The following SLC2A2 variants were observed in gnomAD, a reference collection of about 807,000 sequenced individuals.
The protein encoded by SLC2A2 is solute carrier family 2 member 2, also known as solute carrier family 2, facilitated glucose transporter member 2.
SLC2A2 carries 36 observed loss-of-function variants against 54.5 expected under a neutral mutation model. That is an observed-to-expected ratio of 0.66 (90% CI 0.51 to 0.87). The LOEUF (loss-of-function observed/expected upper bound fraction) is 0.87. SLC2A2 is among the 40% of genes least tolerant of loss of function. The probability of loss-of-function intolerance (pLI) is 0.00; values close to 1 mark genes in which losing one functional copy is unlikely to be tolerated. For missense variants in SLC2A2, 543 were observed against 624.3 expected (o/e 0.87, Z 1.39); for synonymous variants, 223 against 219.1 (o/e 1.02, Z -0.16).
In SLC2A2 at chr3:170,998,123, A is replaced by C. The variant is rs1715177273; in HGVS notation, c.1375-20T>G. 2 of 1,613,440 alleles carry C rather than the reference A, an allele frequency of 1.2e-6. No individual in the cohort carries two copies. The highest frequency in any genetic ancestry group is 3.3e-5 in the Admixed American group (2 of 59,844). ...GAAGTCCTGGATAGAAAGCAAACAC[A>C]GACTTTGAGTTAGCAGTTTTTTGAC... On this transcript the variant is annotated intron_variant, in intron 10 of 10. Coordinates refer to ENST00000314251, the MANE Select transcript of SLC2A2 (RefSeq NM_000340.2).
At chr3:171,006,742 A>C (rs1380487273) in intron 5 of SLC2A2, among the ~76,000 whole-genome samples, 2 of 152,018 alleles carry the variant, frequency 1.3e-5, no homozygotes, top group East Asian at 3.9e-4. Flanking sequence ...TACATATTAG[A>C]TTCCCAAGTA....
chr3:170,998,916 A>T lies in SLC2A2; in HGVS notation c.1170+149T>A, dbSNP rs878977141. The T allele has an allele frequency of 2.3e-4, 165 of 706,186 alleles. 2 individuals carry two copies. The South Asian group carries it at 2.6e-3, about 11-fold the overall frequency. 43.7% of individuals were successfully genotyped at this position (706,186 alleles called of 1,614,324 possible). ...AAACTAGTTCATCTTTTCTTTATAT[A>T]TCTCCTTTGATTTTATGCTGTTGCT... On this transcript the variant is annotated intron_variant, in intron 9 of 10. Coordinates refer to ENST00000314251, the MANE Select transcript of SLC2A2 (RefSeq NM_000340.2).
In SLC2A2 at chr3:170,998,339, A is replaced by G. The variant is rs746136121; in HGVS notation, c.1228T>C (p.Phe410Leu). 3.7e-6 allele frequency: 6 copies of G among 1,613,778 alleles called. No homozygotes were observed. In the South Asian group the frequency reaches 5.5e-5, roughly 15 times the overall value. The change falls in exon 10 of 11, where the codon TTC becomes CTC. Residue 410 changes from phenylalanine to leucine, a missense_variant. Physicochemically the swap from Phe to Leu is conservative, Grantham distance 22 (BLOSUM62 0). This residue lies in a region of SLC2A2 where 117 missense variants were observed against 179.2 expected (regional missense o/e 0.65). Transcript: ENST00000314251. ...SMIAIFLFVS[F>L]FEIGPGPIPW... ...ATCGGGCCTGGCCCAATTTCAAAGA[A>G]GCTGACAAAGAGGAAGATGGCTATC... is the stretch of plus-strand genomic sequence containing the variant.
intron 2 of SLC2A2, among the ~76,000 whole-genome samples, chr3:171,015,046 C>G (rs143109786): frequency 6.6e-6 from 1 of 152,222 alleles, no homozygotes; most frequent in Non-Finnish European, 1.5e-5. Context: ...ACTAGAGGAG[C>G]AAGAGGAAGC....
At position 170,997,940 on chromosome 3, in the gene SLC2A2, A is replaced by G; in HGVS notation, c.1538T>C (p.Val513Ala). The G allele has an allele frequency of 1.2e-6, 2 of 1,613,510 alleles. No homozygotes were observed. The highest frequency in any genetic ancestry group is 1.7e-6 in the Non-Finnish European group (2 of 1,179,730). ...SGSAHRPKAA[V>A]EMKFLGATET... ...TGTAGCTCCTAGGAATTTCATTTCT[A>G]CAGCAGCTTTTGGCCTGTGGGCTGA... Residue 513 changes from valine to alanine, a missense_variant, in exon 11 of 11, where the codon GTA (valine) becomes GCA (alanine). Around this residue, in one of 3 missense-constraint regions of SLC2A2, gnomAD observed 108 missense variants for 101.3 expected, o/e 1.07. Coordinates refer to ENST00000314251, the MANE Select transcript of SLC2A2 (RefSeq NM_000340.2).
At chr3:171,000,802 T>G (rs988593005) in intron 8 of SLC2A2, among the ~76,000 whole-genome samples, 2 of 152,124 alleles carry the variant, frequency 1.3e-5, no homozygotes, top group African/African-American at 4.8e-5. Flanking sequence ...CAGTGCATAT[T>G]TCTATTTGCA....
At chr3:171,005,494 T>G (rs745426495) in intron 6 of SLC2A2, 22 bp from the exon 7 acceptor site, 3 of 1,597,104 alleles carry the variant, frequency 1.9e-6, no homozygotes, top group Non-Finnish European at 1.7e-6. Flanking sequence ...AATGATCAGG[T>G]TGAAACAACT....
At position 170,996,553 on chromosome 3, in the gene SLC2A2, C is replaced by T. The variant is rs1576820719; in HGVS notation, c.*1350G>A. The T allele has an allele frequency of 1.5e-5, 6 of 397,666 alleles. No homozygotes were observed. The highest frequency in any genetic ancestry group is 1.3e-4 in the Admixed American group (3 of 22,690). 24.6% of individuals were successfully genotyped at this position (397,666 alleles called of 1,614,324 possible). ...TGGTGGAGAAAACAGCCTAGAGATACGTTAGCACCCTGCTAAGCTTTTGGG... is the reference window on the plus strand; with the variant it reads ...TGGTGGAGAAAACAGCCTAGAGATATGTTAGCACCCTGCTAAGCTTTTGGG... On this transcript the variant is annotated 3_prime_UTR_variant, in exon 11 of 11. Coordinates refer to ENST00000314251, the MANE Select transcript of SLC2A2 (RefSeq NM_000340.2).
Position 171,018,607 on chromosome 3 carries a change from A to C in SLC2A2, c.32T>G (p.Val11Gly). Residue 11 changes from valine to glycine, a missense_variant, in exon 2 of 11, where the codon GTT becomes GGT. Physicochemically the swap from Val to Gly is moderately radical, Grantham distance 109 (BLOSUM62 -3). Around this residue, in one of 3 missense-constraint regions of SLC2A2, gnomAD observed 318 missense variants for 343.8 expected, o/e 0.93. Transcript: ENST00000314251. The part of the protein sequence containing the change: MTEDKVTGTL[V>G]FTVITAVLGS... Reference sequence around the variant, plus strand: ...CAGCACAGCAGTGATGACAGTGAAAACCAGGGTCCCAGTGACCTGCAGGGG... The same window carrying C: ...CAGCACAGCAGTGATGACAGTGAAACCCAGGGTCCCAGTGACCTGCAGGGG... 6.2e-7 allele frequency: 1 copy of C among 1,613,904 alleles called. No homozygotes were observed. Among genetic ancestry groups the C allele is most frequent in the Non-Finnish European group, 8.5e-7 (1 of 1,179,798 alleles).
At chr3:171,021,895 G>A (rs938155974) in intron 1 of SLC2A2, among the ~76,000 whole-genome samples, 3 of 152,168 alleles carry the variant, frequency 2.0e-5, no homozygotes, top group Non-Finnish European at 4.4e-5. Context: ...TCCTTCTCAT[G>A]TTACATCTCT....
chr3:171,018,511 C>A lies in SLC2A2; in HGVS notation c.108+20G>T. 3.9e-6 allele frequency: 6 copies of A among 1,543,404 alleles called. No individual in the cohort carries two copies. The highest frequency in any genetic ancestry group is 5.4e-6 in the Non-Finnish European group (6 of 1,115,550). ...CTGACAGAACTTGCCAAAAAGAGAACTTCTACATATTTCACTTGCCTGTTG... is the reference window on the plus strand; with the variant it reads ...CTGACAGAACTTGCCAAAAAGAGAAATTCTACATATTTCACTTGCCTGTTG... On this transcript the variant is annotated intron_variant, in intron 2 of 10. Coordinates refer to ENST00000314251, the MANE Select transcript of SLC2A2 (RefSeq NM_000340.2).
chr3:171,019,159 A>G (rs1022665503), intron 1 of SLC2A2, among the ~76,000 whole-genome samples: 20 of 107,892 alleles, frequency 1.9e-4, no homozygotes, highest in African/African-American at 2.8e-4. Flanking sequence ...ATATATACGT[A>G]TGTATATATA....
At chr3:171,017,450 C>T (rs903368578) in intron 2 of SLC2A2, among the ~76,000 whole-genome samples, 1 of 152,178 alleles carries the variant, frequency 6.6e-6, no homozygotes, top group South Asian at 2.1e-4. Flanking sequence ...ATGGTCAGCG[C>T]ATATTTCACA....
At chr3:171,009,748 G>A (rs537756709) in intron 4 of SLC2A2, among the ~76,000 whole-genome samples, 6 of 152,086 alleles carry the variant, frequency 3.9e-5, no homozygotes, top group Admixed American at 2.0e-4. Flanking sequence ...TGCCATGGAC[G>A]AGAACCTTGA....
chr3:171,016,642 TA>T, intron 2 of SLC2A2, among the ~76,000 whole-genome samples: 1 of 130,696 alleles, frequency 7.7e-6, no homozygotes, highest in South Asian at 2.3e-4. Flanking sequence ...TTCAGCTGAT[TA>T]AAAAAAGGCT....
chr3:171,011,561 A>G (rs1452547982), intron 3 of SLC2A2, among the ~76,000 whole-genome samples: 1 of 152,202 alleles, frequency 6.6e-6, no homozygotes, highest in Non-Finnish European at 1.5e-5. Context: ...CTCCAAAACT[A>G]TAAGAAAACA....
chr3:171,014,652 C>G lies in SLC2A2; in HGVS notation c.188G>C (p.Ser63Thr), dbSNP rs1373290524. The G allele has an allele frequency of 4.3e-6, 7 of 1,613,852 alleles. No homozygotes were observed. The highest frequency in any genetic ancestry group is 5.9e-6 in the Non-Finnish European group (7 of 1,179,886). ...RKAINNYVIN[S>T]TDELPTISYS... ...TGAGATTGTGGGCAGTTCATCTGTA[C>G]TGTTGATAACATAGTTGTTGATAGC... The change falls in exon 3 of 11, where the codon AGT becomes ACT. Residue 63 changes from serine (S) to threonine (T), a missense_variant. This residue lies in a region of SLC2A2 where 318 missense variants were observed against 343.8 expected (regional missense o/e 0.93). Transcript: ENST00000314251.
intron 1 of SLC2A2, 152 bp from the exon 2 acceptor site, chr3:171,018,775 C>T (rs1366912681): frequency 2.9e-6 from 2 of 680,836 alleles, no homozygotes; most frequent in Middle Eastern, 3.9e-4. Flanking sequence ...TCCAGGCTGG[C>T]AGGTGTTGTT....
intron 4 of SLC2A2, 37 bp from the exon 5 acceptor site, chr3:171,007,300 C>T: frequency 8.3e-7 from 1 of 1,204,798 alleles, no homozygotes; most frequent in South Asian, 1.2e-5. Context: ...AAAGTGCAAC[C>T]AGGACTATCT....
Sources: allele counts gnomAD v4.1 joint callset (sites outside exome capture counted in the v4.1 genomes callset), GRCh38; gene constraint gnomAD v4.1.1; regional missense constraint gnomAD v4.1.1; transcripts MANE v1.5; gene names NCBI Gene and HGNC (gene_info 2026-07-23, HGNC 2026-07-21).